OTUD7A: variants seen among roughly 807,000 people sequenced by gnomAD.
The protein encoded by OTUD7A is OTU domain-containing protein 7A.
In OTUD7A, 12 loss-of-function variants were observed where a neutral mutation model predicts 65.7. The ratio of observed to expected loss-of-function variants is 0.18; its 90% CI spans 0.12 to 0.30. The LOEUF (loss-of-function observed/expected upper bound fraction) is 0.30. OTUD7A is among the 10% of genes least tolerant of loss of function. OTUD7A has a pLI of 1.00. For missense variants in OTUD7A, 1,148 were observed against 1,304.8 expected, an observed-to-expected ratio of 0.88 and a Z score of 1.85; for synonymous variants, 641 against 586.3, an observed-to-expected ratio of 1.09 and a Z score of -1.35.
intron 8 of OTUD7A, among the ~76,000 whole-genome samples, chr15:31,509,714 A>T (rs8041294): frequency 0.039 from 5,933 of 152,098 alleles, 371 homozygotes; most frequent in African/African-American, 0.14. Flanking sequence ...ACTGTTTTTT[A>T]AATAGTTTTA....
rs111699000 is a variant in OTUD7A at position 31,836,061 on chromosome 15, C to A, written c.-100+34446G>T. ...AGATCTTTGGATTAGGGGTGCTCAA[C>A]CTGTATATACACAAGTTGAGGAGAC... On this transcript the variant is annotated intron_variant, in intron 1 of 12. Coordinates refer to ENST00000307050, the MANE Select transcript of OTUD7A (RefSeq NM_001382637.1). Among the ~76,000 whole-genome samples, 779 of 152,116 alleles carry A rather than the reference C, an allele frequency of 5.1e-3. 3 individuals carry two copies. Among genetic ancestry groups the A allele is most frequent in the African/African-American group, 0.018 (746 of 41,482 alleles).
intron 1 of OTUD7A, among the ~76,000 whole-genome samples, chr15:31,726,607 C>T (rs1160146715): frequency 2.0e-5 from 3 of 152,164 alleles, no homozygotes; most frequent in African/African-American, 4.8e-5. Context: ...GAATCAGAAC[C>T]TAAACTAGCC....
intron 1 of OTUD7A, among the ~76,000 whole-genome samples, chr15:31,840,584 C>CTAT (rs1897160877): frequency 6.6e-6 from 1 of 152,172 alleles, no homozygotes; most frequent in Non-Finnish European, 1.5e-5. Context: ...TTACATATAG[C>CTAT]ATGAAGTTAA....
At chr15:31,584,963 T>C (rs1223255449) in intron 3 of OTUD7A, among the ~76,000 whole-genome samples, 1 of 152,216 alleles carries the variant, frequency 6.6e-6, no homozygotes, top group African/African-American at 2.4e-5. Context: ...CTTTAAGGTA[T>C]AGTTTATCAC....
intron 1 of OTUD7A, among the ~76,000 whole-genome samples, chr15:31,729,370 CACTG>C (rs1893979834): frequency 6.6e-6 from 1 of 152,218 alleles, no homozygotes; most frequent in African/African-American, 2.4e-5. Flanking sequence ...ATAACTCTGA[CACTG>C]ACTGTCATGA....
intron 10 of OTUD7A, among the ~76,000 whole-genome samples, chr15:31,492,695 G>A (rs564590883): frequency 2.6e-5 from 4 of 151,820 alleles, no homozygotes; most frequent in Admixed American, 6.6e-5. Context: ...GAAATAAAAC[G>A]GAACCATTAA....
At chr15:31,651,546 G>A (rs1891835357) in intron 3 of OTUD7A, among the ~76,000 whole-genome samples, 2 of 149,072 alleles carry the variant, frequency 1.3e-5, no homozygotes, top group African/African-American at 4.9e-5. Flanking sequence ...CAGATAACAT[G>A]ATCACCTATG....
rs189662978 is a variant in OTUD7A, at chr15:31,644,624, T to A, written c.151+10472A>T. On this transcript the variant is annotated intron_variant, in intron 3 of 12. Coordinates refer to ENST00000307050, the MANE Select transcript of OTUD7A (RefSeq NM_001382637.1). ...CTGAGTAGCCAGGACCACAGGTATATGCCACCATGCCCAGCTAATTTTTAG... is the reference window on the plus strand; with the variant it reads ...CTGAGTAGCCAGGACCACAGGTATAAGCCACCATGCCCAGCTAATTTTTAG... Among the ~76,000 whole-genome samples the A allele has an allele frequency of 3.5e-3, 535 of 152,250 alleles. 5 individuals are homozygous for A. The highest frequency in any genetic ancestry group is 0.012 in the African/African-American group (518 of 41,530).
At chr15:31,585,729 T>C (rs1314420828) in intron 3 of OTUD7A, among the ~76,000 whole-genome samples, 1 of 152,080 alleles carries the variant, frequency 6.6e-6, no homozygotes, top group Non-Finnish European at 1.5e-5. Context: ...GCTGTATTCA[T>C]ATGTGTATAC....
At chr15:31,610,329 T>C (rs969379565) in intron 3 of OTUD7A, among the ~76,000 whole-genome samples, 1 of 151,548 alleles carries the variant, frequency 6.6e-6, no homozygotes, top group African/African-American at 2.4e-5. Flanking sequence ...ATCTAAGAAA[T>C]GAGATAGATG....
At chr15:31,718,939 T>C (rs995282608) in intron 1 of OTUD7A, among the ~76,000 whole-genome samples, 22 of 151,736 alleles carry the variant, frequency 1.4e-4, no homozygotes, top group African/African-American at 5.1e-4. Context: ...CCTCTGACTT[T>C]ATATAACCTG....
intron 1 of OTUD7A, among the ~76,000 whole-genome samples, chr15:31,839,027 T>C (rs1296536451): frequency 1.3e-5 from 2 of 152,150 alleles, no homozygotes; most frequent in Non-Finnish European, 2.9e-5. Flanking sequence ...TTCATGACAC[T>C]GGTGTGCTGC....
chr15:31,603,771 A>C (rs1350620678), intron 3 of OTUD7A, among the ~76,000 whole-genome samples: 1 of 152,194 alleles, frequency 6.6e-6, no homozygotes, highest in Non-Finnish European at 1.5e-5. Flanking sequence ...ACCCCACCAA[A>C]AAGTGGGCAA....
intron 3 of OTUD7A, among the ~76,000 whole-genome samples, chr15:31,633,423 T>C (rs867037813): frequency 6.6e-6 from 1 of 152,240 alleles, no homozygotes; most frequent in Non-Finnish European, 1.5e-5. Context: ...TGAATTCTTA[T>C]AATGTTATGC....
At chr15:31,810,221 G>A (rs1896384064) in intron 1 of OTUD7A, among the ~76,000 whole-genome samples, 1 of 152,094 alleles carries the variant, frequency 6.6e-6, no homozygotes, top group Non-Finnish European at 1.5e-5. Context: ...GGTGCAGGTG[G>A]GACAACAGGG....
chr15:31,846,720 C>T (rs1258964552), intron 1 of OTUD7A, among the ~76,000 whole-genome samples: 1 of 152,218 alleles, frequency 6.6e-6, no homozygotes, highest in Admixed American at 6.5e-5. Context: ...ATATTTATAA[C>T]ACGGAAAAGG....
chr15:31,506,584 T>C (rs553765003), intron 8 of OTUD7A, among the ~76,000 whole-genome samples: 65 of 152,344 alleles, frequency 4.3e-4, no homozygotes, highest in Admixed American at 1.1e-3. Flanking sequence ...ACTGGATTAG[T>C]ACTGTTTCAA....
At chr15:31,558,852 C>G in intron 5 of OTUD7A, 117 bp downstream of exon 5, 1 of 1,173,282 alleles carries the variant, frequency 8.5e-7, no homozygotes, top group Non-Finnish European at 1.2e-6. Context: ...AGAATCCTAA[C>G]TGAAAACTGC....
rs1002303585 is a variant in OTUD7A, at chr15:31,512,140, A to T, written c.894-8322T>A. Among the ~76,000 whole-genome samples, 6 of 152,178 alleles carry T rather than the reference A, an allele frequency of 3.9e-5. No homozygotes were observed. The East Asian group carries it at 1.2e-3, about 29-fold the overall frequency. ...TTTTCCTCAGTCTTGATTACTAAGGAAATACTTTACCGGTGTTTTTTCCTG... is the reference window on the plus strand; with the variant it reads ...TTTTCCTCAGTCTTGATTACTAAGGTAATACTTTACCGGTGTTTTTTCCTG... On this transcript the variant is annotated intron_variant, in intron 8 of 12. Coordinates refer to ENST00000307050, the MANE Select transcript of OTUD7A (RefSeq NM_001382637.1).
Sources: allele counts gnomAD v4.1 joint callset (sites outside exome capture counted in the v4.1 genomes callset), GRCh38; gene constraint gnomAD v4.1.1; transcripts MANE v1.5; gene names NCBI Gene and HGNC (gene_info 2026-07-23, HGNC 2026-07-21).